The following ZFP64 variants were observed in gnomAD, a reference collection of about 807,000 sequenced individuals.
The protein encoded by ZFP64 is ZFP64 zinc finger protein.
In ZFP64, 14 loss-of-function variants were observed where a neutral mutation model predicts 51.6. The observed-to-expected ratio is 0.27, with a 90% CI of 0.18 to 0.42. The LOEUF (loss-of-function observed/expected upper bound fraction) is 0.42. Among genes scored for constraint, ZFP64 ranks in the 10% least tolerant of loss-of-function variants. The pLI is 1.00. For missense variants in ZFP64, 754 were observed against 906.8 expected (o/e 0.83, Z 2.16); for synonymous variants, 375 against 361.4 (o/e 1.04, Z -0.43).
rs2078860092 is a variant in ZFP64, at chr20:52,085,975, C to T, written c.1229-709G>A. Among the ~76,000 whole-genome samples the T allele has an allele frequency of 6.6e-6, 1 of 152,200 alleles. No homozygotes were observed. Among genetic ancestry groups the T allele is most frequent in the Non-Finnish European group, 1.5e-5 (1 of 68,040 alleles). Reference sequence around the variant, plus strand: ...TACACACCCATCCTTTCCCTAACCTCTCCCCTGCATTCTGGTGGTTGTGAC... The same window carrying T: ...TACACACCCATCCTTTCCCTAACCTTTCCCCTGCATTCTGGTGGTTGTGAC... On this transcript the variant is annotated intron_variant, in intron 8 of 8. Coordinates refer to the ZFP64 transcript ENST00000361387. The surrounding 1 kb of genome is among the most constrained non-coding windows in gnomAD (Gnocchi z 4.3).
intron 8 of ZFP64, among the ~76,000 whole-genome samples, chr20:52,086,860 A>G (rs1691823387): frequency 6.6e-6 from 1 of 152,144 alleles, no homozygotes; most frequent in South Asian, 2.1e-4. Flanking sequence ...TCAGCCTGAT[A>G]TTTCTCTTTG....
Position 52,180,266 on chromosome 20 carries a change from C to T in ZFP64, c.286+6566G>A, listed in dbSNP as rs6126490. On this transcript the variant is annotated intron_variant, in intron 2 of 5. Transcript: ENST00000216923. The stretch of plus-strand genomic sequence containing the variant: ...GGCCACAGGCCCTCTCCCTCTCTAT[C>T]GTAATATGTGCTGCTGCAAACGCCA... Among the ~76,000 whole-genome samples the T allele has an allele frequency of 3.9e-5, 6 of 152,310 alleles. No individual in the cohort carries two copies. The East Asian group carries it at 1.2e-3, about 29-fold the overall frequency.
intron 7 of ZFP64, among the ~76,000 whole-genome samples, chr20:52,092,033 A>C (rs1408630991): frequency 2.6e-5 from 4 of 152,148 alleles, no homozygotes; most frequent in Admixed American, 2.0e-4. Context: ...TAATGGCTTT[A>C]AAGTAGTTTG....
Position 52,172,330 on chromosome 20 carries a change from C to T in ZFP64, c.287-6305G>A, listed in dbSNP as rs147253567. 4.6e-3 allele frequency among the ~76,000 whole-genome samples: 704 copies of T among 152,008 alleles called. 4 individuals carry two copies. The highest frequency in any genetic ancestry group is 0.016 in the African/African-American group (654 of 41,434). On this transcript the variant is annotated intron_variant, in intron 2 of 5. Transcript: ENST00000216923. ...CTTCTCTGCTCTTCAGTTCTTTTGT[C>T]GGTAAAATGGGGATATTGCAGTGAT...
intron 7 of ZFP64, chr20:52,097,299 C>A: frequency 6.6e-7 from 1 of 1,521,210 alleles, no homozygotes; most frequent in Non-Finnish European, 9.1e-7. Flanking sequence ...CTGTTCATTA[C>A]TGTGTCCCTA....
chr20:52,099,319 C>CTT (rs3035409), intron 5 of ZFP64, among the ~76,000 whole-genome samples: 4 of 150,032 alleles, frequency 2.7e-5, no homozygotes, highest in East Asian at 2.0e-4. Flanking sequence ...CAATGTCAAA[C>CTT]TTTTTTTTTT....
chr20:52,100,426 A>G (rs2079038708), intron 5 of ZFP64, among the ~76,000 whole-genome samples: 1 of 152,026 alleles, frequency 6.6e-6, no homozygotes, highest in African/African-American at 2.4e-5. Context: ...TTGTATTTTT[A>G]GTAGAGACAG....
intron 2 of ZFP64, chr20:52,176,041 C>T (rs1362891228): frequency 2.2e-6 from 2 of 901,140 alleles, no homozygotes; most frequent in Non-Finnish European, 2.7e-6. Context: ...CCCAGCTCTG[C>T]CTTTGCTGAT....
chr20:52,152,189 G>C lies in ZFP64; in HGVS notation c.2003C>G (p.Ala668Gly). The change falls in exon 6 of 6, where the codon GCC (alanine) becomes GGC (glycine). Residue 668 changes from alanine to glycine, a missense_variant. Around this residue, in one of 3 missense-constraint regions of ZFP64, gnomAD observed 428 missense variants for 472.4 expected, o/e 0.91. Coordinates refer to ENST00000216923, the MANE Select transcript of ZFP64 (RefSeq NM_018197.3). The stretch of plus-strand genomic sequence containing the variant: ...GGCGGGACAGAGCAAAGCTGGATGG[G>C]CTGCCCCTTGAATGATGGAGTAGGT... ...KQTYSIIQGA[A>G]HPALLCPADS... 1 of 1,614,126 alleles carries C rather than the reference G, an allele frequency of 6.2e-7. No homozygotes were observed. The highest frequency in any genetic ancestry group is 1.7e-5 in the Admixed American group (1 of 60,022).
chr20:52,132,839 T>TGC, intron 5 of ZFP64, among the ~76,000 whole-genome samples: 1 of 152,122 alleles, frequency 6.6e-6, no homozygotes, highest in African/African-American at 2.4e-5. Context: ...CAGGAGGGAA[T>TGC]ATTTCCAGAC....
chr20:52,108,840 G>A (rs1187162036), intron 5 of ZFP64, among the ~76,000 whole-genome samples: 1 of 145,766 alleles, frequency 6.9e-6, no homozygotes, highest in African/African-American at 2.6e-5. Flanking sequence ...TTTATTTCAA[G>A]GCTCAAAATT....
At chr20:52,142,391 C>G (rs987389604) in intron 5 of ZFP64, among the ~76,000 whole-genome samples, 1 of 147,512 alleles carries the variant, frequency 6.8e-6, no homozygotes, top group Non-Finnish European at 1.5e-5. Context: ...CACACACACA[C>G]ACACACACAC....
intron 5 of ZFP64, chr20:52,110,908 C>G (rs534402674): frequency 6.2e-7 from 1 of 1,606,582 alleles, no homozygotes; most frequent in South Asian, 1.1e-5. Flanking sequence ...TTCAGCAAGA[C>G]GCCTGAACTC....
intron 2 of ZFP64, among the ~76,000 whole-genome samples, chr20:52,171,337 T>A (rs1047526113): frequency 6.6e-6 from 1 of 152,020 alleles, no homozygotes; most frequent in African/African-American, 2.4e-5. Context: ...TCGCCACTCA[T>A]CCCCAGGGGG....
At chr20:52,105,183 G>A (rs1345567485) in intron 5 of ZFP64, 4 of 1,436,468 alleles carry the variant, frequency 2.8e-6, no homozygotes, top group South Asian at 3.1e-5. Context: ...CGGCGCGCAG[G>A]CCGCGGCTCC....
chr20:52,097,459 T>C (rs2079001508), intron 6 of ZFP64: 1 of 1,584,544 alleles, frequency 6.3e-7, no homozygotes, highest in Non-Finnish European at 8.6e-7. Flanking sequence ...ATAGATTTTT[T>C]TTTTTTTTTT....
Position 52,109,997 on chromosome 20 carries a change from T to C in ZFP64, c.764-11410A>G, listed in dbSNP as rs187283022. Among the ~76,000 whole-genome samples the C allele has an allele frequency of 6.7e-3, 1,014 of 152,212 alleles. 10 individuals are homozygous for C. The highest frequency in any genetic ancestry group is 0.023 in the African/African-American group (949 of 41,520). On this transcript the variant is annotated intron_variant, in intron 5 of 8. Coordinates refer to the ZFP64 transcript ENST00000361387. ...TCTTCATATATTGCCTTTGTCCTGA[T>C]TTTTTCTTTTCCACTTAACCAAAAC... is the stretch of plus-strand genomic sequence containing the variant.
At position 52,186,991 on chromosome 20, in the gene ZFP64, G is replaced by T; in HGVS notation, c.127C>A (p.Leu43Met). 1.2e-6 allele frequency: 2 copies of T among 1,614,168 alleles called. No homozygotes were observed. Among genetic ancestry groups the T allele is most frequent in the Non-Finnish European group, 8.5e-7 (1 of 1,179,998 alleles). ...CGICKQQFNN[L>M]DAFVAHKQSG... The stretch of plus-strand genomic sequence containing the variant: ...TGCTTGTGAGCTACAAAGGCATCCA[G>T]GTTGTTAAACTGCTGCTTGCAGATG... The change falls in exon 2 of 6, where the codon CTG becomes ATG. Residue 43 changes from leucine to methionine, a missense_variant. Leu to Met is a conservative substitution (Grantham distance 15). Transcript: ENST00000216923.
rs552476108 is a variant in ZFP64, at chr20:52,152,377, G to A, written c.1815C>T (p.Thr605=). ...AGTCAGTGCAAGTAATACCCGAACT[G>A]GTAATGAAAGTTTGATTGCCAGAGC... ...QEGSGNQTFI[T]SSGITCTDFE... The change falls in exon 6 of 6, where the codon ACC becomes ACT. Residue 605 remains threonine (T), a synonymous_variant. Coordinates refer to ENST00000216923, the MANE Select transcript of ZFP64 (RefSeq NM_018197.3). The A allele has an allele frequency of 1.4e-5, 22 of 1,614,190 alleles. No individual in the cohort carries two copies. The East Asian group carries it at 3.3e-4, about 25-fold the overall frequency.
Sources: allele counts gnomAD v4.1 joint callset (sites outside exome capture counted in the v4.1 genomes callset), GRCh38; gene constraint gnomAD v4.1.1; regional missense constraint gnomAD v4.1.1; non-coding constraint Gnocchi (gnomAD v3.1); transcripts MANE v1.5; gene names NCBI Gene and HGNC (gene_info 2026-07-23, HGNC 2026-07-21).